The following KDM2A variants were observed in gnomAD, a reference collection of about 807,000 sequenced individuals.
KDM2A encodes lysine demethylase 2A, also known as lysine-specific demethylase 2A.
In KDM2A, 3 loss-of-function variants were observed where a neutral mutation model predicts 137.3. The ratio of observed to expected loss-of-function variants is 0.02; its 90% confidence interval spans 0.01 to 0.06. KDM2A has a LOEUF of 0.06. Among genes scored for constraint, KDM2A ranks in the 10% least tolerant of loss-of-function variants. The pLI is 1.00. For synonymous variants in KDM2A, 512 were observed against 541.5 expected (o/e 0.95, Z 0.76); for missense variants, 738 against 1,510.6 (o/e 0.49, Z 8.48).
chr11:67,219,161 C>G (rs1858258614), intron 9 of KDM2A, 127 bp from the exon 10 acceptor site: 1 of 437,744 alleles, frequency 2.3e-6, no homozygotes, highest in Non-Finnish European at 4.1e-6. Context: ...GATTAAGTAA[C>G]TTGACAAACC....
chr11:67,142,118 A>G (rs183140310), intron 2 of KDM2A, among the ~76,000 whole-genome samples: 1 of 151,826 alleles, frequency 6.6e-6, no homozygotes, highest in African/African-American at 2.4e-5. Flanking sequence ...CGCTCACTGC[A>G]ACCTCCACTT....
In KDM2A at chr11:67,250,574, G is replaced by C; in HGVS notation, c.2544G>C (p.Gly848=). ...GCCCAGCCCGAACCCCCCAGCGTGGGGATGAGGAGGGGCTGGGGGGAGAGG... is the reference window on the plus strand; with the variant it reads ...GCCCAGCCCGAACCCCCCAGCGTGGCGATGAGGAGGGGCTGGGGGGAGAGG... ...QHCPARTPQR[G]DEEGLGGEEE... Residue 848 remains glycine, a synonymous_variant, in exon 17 of 21, where the codon GGG becomes GGC. Coordinates refer to ENST00000529006, the MANE Select transcript of KDM2A (RefSeq NM_012308.3). This position sits in a 1 kb window ranked among gnomAD's most constrained non-coding sequence, Gnocchi z 7.1. 1.2e-6 allele frequency: 2 copies of C among 1,613,542 alleles called. No individual in the cohort carries two copies. The highest frequency in any genetic ancestry group is 1.7e-6 in the Non-Finnish European group (2 of 1,179,672).
chr11:67,255,596 A>C lies in KDM2A; in HGVS notation c.*541A>C, dbSNP rs532381617. On this transcript the variant is annotated 3_prime_UTR_variant, in exon 21 of 21. Coordinates refer to ENST00000529006, the MANE Select transcript of KDM2A (RefSeq NM_012308.3). ...TGCCGATCACACTGGTGCTGTTGAG[A>C]TCTCCCAAACCTCACGTCCTTAACT... 1 of 456,096 alleles carries C rather than the reference A, an allele frequency of 2.2e-6. No homozygotes were observed. Among genetic ancestry groups the C allele is most frequent in the African/African-American group, 2.0e-5 (1 of 49,928 alleles). 28.3% of individuals were successfully genotyped at this position (456,096 alleles called of 1,614,324 possible). A position where few individuals can be genotyped will look rare whatever the true frequency, so the allele number is the denominator to read the frequency against.
intron 2 of KDM2A, among the ~76,000 whole-genome samples, chr11:67,129,530 C>G (rs1329357804): frequency 1.3e-5 from 2 of 151,726 alleles, no homozygotes; most frequent in Admixed American, 1.3e-4. Context: ...GTCAGGAGAT[C>G]GAGACCATCC....
intron 2 of KDM2A, among the ~76,000 whole-genome samples, chr11:67,172,481 A>G (rs1365867813): frequency 1.3e-5 from 2 of 151,974 alleles, no homozygotes; most frequent in East Asian, 3.9e-4. Context: ...CTGGTATATA[A>G]GTCTTGTACT....
chr11:67,215,904 C>T lies in KDM2A; in HGVS notation c.642C>T (p.Asp214=). The T allele has an allele frequency of 4.3e-6, 7 of 1,613,784 alleles. No homozygotes were observed. Among genetic ancestry groups the T allele is most frequent in the Non-Finnish European group, 4.2e-6 (5 of 1,179,830 alleles). ...VRGCYTDFHV[D]FGGTSVWYHI... Reference sequence around the variant, plus strand: ...GCTGCTATACTGACTTCCATGTGGACTTTGGTGGTACCTCTGTTTGGTATC... The same window carrying T: ...GCTGCTATACTGACTTCCATGTGGATTTTGGTGGTACCTCTGTTTGGTATC... Residue 214 remains aspartate (D), a synonymous_variant, in exon 8 of 21, where the codon GAC becomes GAT. Coordinates refer to ENST00000529006, the MANE Select transcript of KDM2A (RefSeq NM_012308.3).
intron 5 of KDM2A, among the ~76,000 whole-genome samples, chr11:67,191,735 T>C (rs1204565538): frequency 6.6e-6 from 1 of 152,154 alleles, no homozygotes; most frequent in Non-Finnish European, 1.5e-5. Flanking sequence ...GTAAATATCA[T>C]ACTCAGTGGT....
intron 5 of KDM2A, among the ~76,000 whole-genome samples, chr11:67,194,236 G>T (rs1028855347): frequency 2.0e-5 from 3 of 152,114 alleles, no homozygotes; most frequent in African/African-American, 7.2e-5. Flanking sequence ...AAAAATCCTG[G>T]TCTTGTGGAA....
intron 2 of KDM2A, among the ~76,000 whole-genome samples, chr11:67,147,674 A>G (rs545995362): frequency 6.7e-6 from 1 of 150,034 alleles, no homozygotes; most frequent in East Asian, 1.9e-4. Context: ...GTTCCCTTTC[A>G]TTAGAGATTC....
intron 5 of KDM2A, among the ~76,000 whole-genome samples, chr11:67,193,216 C>T (rs1857399298): frequency 6.6e-6 from 1 of 152,076 alleles, no homozygotes; most frequent in African/African-American, 2.4e-5. Context: ...TCTTGAACTC[C>T]TGACCTCAGG....
At chr11:67,219,213 C>G in intron 9 of KDM2A, 75 bp from the exon 10 acceptor site, 1 of 595,008 alleles carries the variant, frequency 1.7e-6, no homozygotes, top group Non-Finnish European at 2.8e-6. Context: ...ATCTAGGGGT[C>G]TTGTACTAGT....
In KDM2A at chr11:67,181,846, A is replaced by G; in HGVS notation, c.261A>G (p.Lys87=). ...ATACTTACTGGTGTTTGTTTCATAG[A>G]ATGCCGGATCCAGACTTCACTGTGA... The part of the protein sequence containing the change: ...IFKNSDGLGI[K]MPDPDFTVND... Residue 87 remains lysine (K), a splice_region_variant and synonymous_variant, in exon 5 of 21, where the codon AAA becomes AAG. Transcript: ENST00000529006. The G allele has an allele frequency of 6.2e-7, 1 of 1,613,706 alleles. No individual in the cohort carries two copies. The highest frequency in any genetic ancestry group is 8.5e-7 in the Non-Finnish European group (1 of 1,179,676).
At position 67,130,388 on chromosome 11, in the gene KDM2A, G is replaced by A. The variant is rs150681011; in HGVS notation, c.42+9030G>A. On this transcript the variant is annotated intron_variant, in intron 2 of 20. Transcript: ENST00000529006. Reference sequence around the variant, plus strand: ...TCAAACTCCTCACCTCCAGTGATCCGCCCACTTCGGCCTCCCAAAGTGTTG... The same window carrying A: ...TCAAACTCCTCACCTCCAGTGATCCACCCACTTCGGCCTCCCAAAGTGTTG... Among the ~76,000 whole-genome samples, 21 of 151,980 alleles carry A rather than the reference G, an allele frequency of 1.4e-4. No individual in the cohort carries two copies. The East Asian group carries it at 4.1e-3, about 30-fold the overall frequency.
At chr11:67,192,480 T>C (rs1857382274) in intron 5 of KDM2A, among the ~76,000 whole-genome samples, 1 of 131,344 alleles carries the variant, frequency 7.6e-6, no homozygotes, top group African/African-American at 4.0e-5. Context: ...GCATCTCTCT[T>C]GGTGCCCTGA....
chr11:67,151,778 C>G (rs1179647008), intron 2 of KDM2A, among the ~76,000 whole-genome samples: 1 of 152,056 alleles, frequency 6.6e-6, no homozygotes, highest in Non-Finnish European at 1.5e-5. Flanking sequence ...CAGGGTTTCA[C>G]TCTTACCCAG....
chr11:67,219,376 A>G lies in KDM2A; in HGVS notation c.930A>G (p.Lys310=), dbSNP rs1565410173. The change falls in exon 10 of 21, where the codon AAA becomes AAG. Residue 310 remains lysine (K), a synonymous_variant. Transcript: ENST00000529006. ...LHSFNIPMQL[K]IYNIEDRTRV... is the part of the protein sequence containing the mutation. ...GCTTCAACATCCCTATGCAGTTAAA[A>G]ATATACAACATTGAAGATCGGACAC... 1.2e-6 allele frequency: 2 copies of G among 1,605,980 alleles called. No individual in the cohort carries two copies. The highest frequency in any genetic ancestry group is 1.7e-5 in the Admixed American group (1 of 58,940).
Position 67,254,490 on chromosome 11 carries a change from A to G in KDM2A, c.3307+72A>G, listed in dbSNP as rs1590835024. ...GCCCTCCCTGGAACTTGATCAGTAAACCAGAATGACCTTGGGTCTGTTGAT... is the reference window on the plus strand; with the variant it reads ...GCCCTCCCTGGAACTTGATCAGTAAGCCAGAATGACCTTGGGTCTGTTGAT... On this transcript the variant is annotated intron_variant, in intron 20 of 20. Coordinates refer to ENST00000529006, the MANE Select transcript of KDM2A (RefSeq NM_012308.3). The surrounding 1 kb of genome is among the most constrained non-coding windows in gnomAD (Gnocchi z 4.7). 7.7e-7 allele frequency: 1 copy of G among 1,290,792 alleles called. No homozygotes were observed. The allele number at this position is 1,290,792 out of a possible 1,614,324, so 80.0% of individuals were successfully genotyped here.
intron 2 of KDM2A, chr11:67,143,148 A>G (rs921401613): frequency 6.6e-6 from 1 of 150,936 alleles, no homozygotes; most frequent in Non-Finnish European, 1.5e-5. Context: ...CAGCATCCCG[A>G]GTTGCTGGGA....
At chr11:67,160,878 CAGG>C (rs1176449823) in intron 2 of KDM2A, among the ~76,000 whole-genome samples, 4 of 152,178 alleles carry the variant, frequency 2.6e-5, no homozygotes, top group African/African-American at 9.7e-5. Flanking sequence ...GAAGCTGAGG[CAGG>C]AGAATTGCTT....
Sources: gnomAD v4.1 joint callset for allele counts (sites outside exome capture counted in the v4.1 genomes callset) on GRCh38, gnomAD v4.1.1 for gene constraint, Gnocchi (gnomAD v3.1) non-coding constraint, MANE v1.5 for transcripts, NCBI Gene and HGNC (gene_info 2026-07-23, HGNC 2026-07-21) for gene names.